Variants in BIRC6 observed in about 807,000 individuals in gnomAD.
The protein encoded by BIRC6 is dual E2 ubiquitin-conjugating enzyme/E3 ubiquitin-protein ligase BIRC6.
Under a neutral mutation model 503.3 loss-of-function variants are expected in BIRC6, and 98 were observed. The ratio of observed to expected loss-of-function variants is 0.19; its 90% CI spans 0.17 to 0.23. The LOEUF (loss-of-function observed/expected upper bound fraction) is 0.23, where lower values mean the gene tolerates loss of function less well. Among genes scored for constraint, BIRC6 ranks in the 10% least tolerant of loss-of-function variants. BIRC6 has a pLI of 1.00. For missense variants in BIRC6, 5,360 were observed against 5,806.0 expected, an observed-to-expected ratio of 0.92 and a Z score of 2.50; for synonymous variants, 2,240 against 2,078.7, an observed-to-expected ratio of 1.08 and a Z score of -2.11.
chr2:32,421,108 CTTTCT>C (rs1309046389), intron 10 of BIRC6, among the ~76,000 whole-genome samples: 35 of 144,628 alleles, frequency 2.4e-4, no homozygotes, highest in Admixed American at 9.0e-4. Context: ...TTCTTTCTTT[CTTTCT>C]TTTTTTTTTT....
chr2:32,541,488 T>TA (rs1312468824), intron 61 of BIRC6, among the ~76,000 whole-genome samples: 1 of 152,088 alleles, frequency 6.6e-6, no homozygotes, highest in Non-Finnish European at 1.5e-5. Flanking sequence ...AATAGTGAAC[T>TA]AATCACAGAG....
At chr2:32,426,570 C>T (rs2043521500) in intron 10 of BIRC6, among the ~76,000 whole-genome samples, 1 of 152,244 alleles carries the variant, frequency 6.6e-6, no homozygotes. Context: ...CACCATTGTA[C>T]TCCAGCCTGG....
At chr2:32,479,301 T>C (rs995023380) in intron 36 of BIRC6, among the ~76,000 whole-genome samples, 161 bp from the exon 37 acceptor site, 7 of 152,238 alleles carry the variant, frequency 4.6e-5, no homozygotes, top group African/African-American at 1.7e-4. Flanking sequence ...GAGTGAGTCC[T>C]AGCATTCCTT....
At chr2:32,608,972 C>G (rs998686502) in intron 72 of BIRC6, among the ~76,000 whole-genome samples, 1 of 151,950 alleles carries the variant, frequency 6.6e-6, no homozygotes, top group Non-Finnish European at 1.5e-5. Context: ...CTCCGCCTCC[C>G]CGGTTCAAGT....
At chr2:32,425,862 T>A (rs2043431649) in intron 10 of BIRC6, among the ~76,000 whole-genome samples, 1 of 152,158 alleles carries the variant, frequency 6.6e-6, no homozygotes, top group African/African-American at 2.4e-5. Flanking sequence ...GAAGAGAAGG[T>A]CCCTCCTGTC....
In BIRC6 at chr2:32,413,697, TAAGAAAAAAAAAAAA is replaced by T. The variant is rs1276781166; in HGVS notation, c.1478-1060_1478-1046del. 1.7e-4 allele frequency among the ~76,000 whole-genome samples: 23 copies of T among 138,834 alleles called. No individual in the cohort carries two copies. The East Asian group carries it at 3.1e-3, about 19-fold the overall frequency. 91.1% of individuals were successfully genotyped at this position (138,834 alleles called of 152,430 possible). A position where few individuals can be genotyped will look rare whatever the true frequency, so the allele number is the denominator to read the frequency against. ...GCTCATCTTAGATTTGATTATGTCT[TAAGAAAAAAAAAAAA>T]AAGAAAAAAAACAGCCTGGTATTTA... is the stretch of plus-strand genomic sequence containing the variant. On this transcript the variant is annotated intron_variant, in intron 9 of 73. Transcript: ENST00000421745.
At chr2:32,585,602 ACTC>A (rs1013160856) in intron 66 of BIRC6, among the ~76,000 whole-genome samples, 4 of 152,008 alleles carry the variant, frequency 2.6e-5, no homozygotes, top group African/African-American at 9.7e-5. Flanking sequence ...CTATTCGTGA[ACTC>A]CTGACCTCAG....
At chr2:32,540,325 C>A (rs1285219898) in intron 61 of BIRC6, among the ~76,000 whole-genome samples, 1 of 152,030 alleles carries the variant, frequency 6.6e-6, no homozygotes, top group African/African-American at 2.4e-5. Context: ...GAATTAAAGA[C>A]ATCACATGGT....
Position 32,549,464 on chromosome 2 carries a change from A to G in BIRC6, c.13127A>G (p.Tyr4376Cys). 1 of 1,444,284 alleles carries G rather than the reference A, an allele frequency of 6.9e-7. No individual in the cohort carries two copies. Among genetic ancestry groups the G allele is most frequent in the Non-Finnish European group, 9.3e-7 (1 of 1,077,830 alleles). 89.5% of individuals were successfully genotyped at this position (1,444,284 alleles called of 1,614,324 possible). ...QSCLIPAMSS[Y>C]LRNDSVLDMA... is the part of the protein sequence containing the mutation. ...TGCCTCATCCCAGCCATGTCATCTT[A>G]TCTACGAAATGATTCAGGTAAATAA... is the stretch of plus-strand genomic sequence containing the variant. Residue 4376 changes from tyrosine (Y) to cysteine (C), a missense_variant, in exon 65 of 74, where the codon TAT becomes TGT. Physicochemically the swap from Tyr to Cys is radical, Grantham distance 194 (BLOSUM62 -2). Coordinates refer to ENST00000421745, the MANE Select transcript of BIRC6 (RefSeq NM_016252.4).
chr2:32,369,944 AAATATATATATAT>A (rs1232282265), intron 1 of BIRC6, among the ~76,000 whole-genome samples: 1 of 25,762 alleles, frequency 3.9e-5, no homozygotes, highest in African/African-American at 2.7e-4. Flanking sequence ...AAAAAAAAAA[AAATATATATATAT>A]ATATATATAT....
intron 66 of BIRC6, among the ~76,000 whole-genome samples, chr2:32,583,569 T>C (rs76337034): frequency 2.2e-4 from 33 of 152,334 alleles, no homozygotes; most frequent in Admixed American, 4.6e-4. Flanking sequence ...TTCAACACTT[T>C]GCATTTTTTG....
chr2:32,511,853 G>A (rs2054489363), intron 53 of BIRC6, among the ~76,000 whole-genome samples: 1 of 151,938 alleles, frequency 6.6e-6, no homozygotes, highest in African/African-American at 2.4e-5. Flanking sequence ...TTTAAACATA[G>A]ATTGCAATTG....
intron 65 of BIRC6, among the ~76,000 whole-genome samples, chr2:32,573,739 A>G (rs1483479247): frequency 6.6e-6 from 1 of 152,222 alleles, no homozygotes; most frequent in Non-Finnish European, 1.5e-5. Context: ...AACATAGGCA[A>G]TATTTTCTTT....
chr2:32,390,867 A>AT (rs1367943038), intron 4 of BIRC6, among the ~76,000 whole-genome samples: 3 of 152,170 alleles, frequency 2.0e-5, no homozygotes, highest in African/African-American at 7.2e-5. Context: ...TTGTTGTTAC[A>AT]TATATAACTT....
intron 39 of BIRC6, 35 bp from the exon 40 acceptor site, chr2:32,485,608 C>A: frequency 7.2e-7 from 1 of 1,379,618 alleles, no homozygotes; most frequent in South Asian, 1.2e-5. Flanking sequence ...TAATAATTGT[C>A]AATGTTTTCT....
At chr2:32,501,068 A>G (rs962647181) in intron 46 of BIRC6, among the ~76,000 whole-genome samples, 2 of 152,150 alleles carry the variant, frequency 1.3e-5, no homozygotes, top group Non-Finnish European at 2.9e-5. Flanking sequence ...TATGACACAA[A>G]CCAGTGTTAA....
At chr2:32,570,423 A>C (rs376487659) in intron 65 of BIRC6, among the ~76,000 whole-genome samples, 1 of 149,874 alleles carries the variant, frequency 6.7e-6, no homozygotes, top group East Asian at 2.0e-4. Flanking sequence ...GCCTCAAGCA[A>C]TTCACTCACC....
At chr2:32,464,426 C>T (rs2048315143) in intron 24 of BIRC6, 83 bp from the exon 25 acceptor site, 1 of 1,382,012 alleles carries the variant, frequency 7.2e-7, no homozygotes, top group African/African-American at 1.5e-5. Flanking sequence ...TGTTTATCTT[C>T]ATAATATATG....
chr2:32,485,679 A>T lies in BIRC6; in HGVS notation c.7733A>T (p.Gln2578Leu). The T allele has an allele frequency of 6.2e-7, 1 of 1,613,752 alleles. No individual in the cohort carries two copies. The highest frequency in any genetic ancestry group is 8.5e-7 in the Non-Finnish European group (1 of 1,179,704). The change falls in exon 40 of 74, where the codon CAA becomes CTA. Residue 2578 changes from glutamine to leucine, a missense_variant. Transcript: ENST00000421745. ...DARLEVGLEQ[Q>L]AELMLKMMST... Reference sequence around the variant, plus strand: ...CGCCTAGAAGTTGGACTTGAACAGCAAGCAGAACTGATGTTGAAAATGATG... The same window carrying T: ...CGCCTAGAAGTTGGACTTGAACAGCTAGCAGAACTGATGTTGAAAATGATG...
Sources: allele counts gnomAD v4.1 joint callset (sites outside exome capture counted in the v4.1 genomes callset), GRCh38; gene constraint gnomAD v4.1.1; transcripts MANE v1.5; gene names NCBI Gene and HGNC (gene_info 2026-07-23, HGNC 2026-07-21).